The following STXBP4 variants were observed in gnomAD, a reference collection of about 807,000 sequenced individuals.
STXBP4 encodes the protein syntaxin-binding protein 4.
STXBP4 carries 55 observed loss-of-function variants against 76.1 expected under a neutral mutation model. The ratio of observed to expected loss-of-function variants is 0.72; its 90% CI spans 0.58 to 0.91. The LOEUF (loss-of-function observed/expected upper bound fraction) is 0.91, where lower values mean the gene tolerates loss of function less well. Among genes scored for constraint, STXBP4 ranks in the 40% least tolerant of loss-of-function variants. The probability of loss-of-function intolerance (pLI) is 0.00; values close to 1 mark genes in which losing one functional copy is unlikely to be tolerated. For synonymous variants in STXBP4, 201 were observed against 220.2 expected (o/e 0.91, Z 0.77); for missense variants, 618 against 636.9 (o/e 0.97, Z 0.32).
intron 12 of STXBP4, among the ~76,000 whole-genome samples, chr17:55,062,978 T>C (rs2079011854): frequency 6.6e-6 from 1 of 152,230 alleles, no homozygotes; most frequent in Admixed American, 6.5e-5. Context: ...TTGAAGAAAC[T>C]TATTAAACAA....
At chr17:55,108,248 C>T (rs749202216) in intron 16 of STXBP4, among the ~76,000 whole-genome samples, 6 of 152,126 alleles carry the variant, frequency 3.9e-5, no homozygotes, top group Non-Finnish European at 8.8e-5. Flanking sequence ...TAATGGTGGA[C>T]GCCCCTCCCC....
At chr17:55,071,655 A>G (rs1487709236) in intron 12 of STXBP4, among the ~76,000 whole-genome samples, 2 of 152,182 alleles carry the variant, frequency 1.3e-5, no homozygotes. Flanking sequence ...GTCTACCCCC[A>G]GTACCTGAAA....
intron 7 of STXBP4, 117 bp from the exon 8 acceptor site, chr17:55,007,389 T>A (rs1013570268): frequency 5.3e-6 from 4 of 751,244 alleles, no homozygotes; most frequent in Non-Finnish European, 9.1e-6. Flanking sequence ...AACTAAAAGC[T>A]GCTAACTGAT....
intron 10 of STXBP4, among the ~76,000 whole-genome samples, chr17:55,039,508 T>C (rs1179808458): frequency 6.6e-6 from 1 of 152,124 alleles, no homozygotes; most frequent in Non-Finnish European, 1.5e-5. Flanking sequence ...GAATCATATG[T>C]GTTGGTTATC....
intron 16 of STXBP4, among the ~76,000 whole-genome samples, chr17:55,119,079 A>G (rs1308397536): frequency 1.3e-5 from 2 of 151,858 alleles, no homozygotes; most frequent in Admixed American, 6.6e-5. Flanking sequence ...TACATTAGGT[A>G]TATCTCCTAA....
chr17:55,072,240 T>A (rs1008793114), intron 12 of STXBP4, among the ~76,000 whole-genome samples: 1 of 152,162 alleles, frequency 6.6e-6, no homozygotes, highest in Non-Finnish European at 1.5e-5. Context: ...GTATGAAATG[T>A]TTTTTAGTAA....
rs765964616 is a variant in STXBP4, at chr17:55,007,649, A to G, written c.666+52A>G. 3.6e-6 allele frequency: 5 copies of G among 1,401,164 alleles called. No homozygotes were observed. The Admixed American group carries it at 7.8e-5, about 22-fold the overall frequency. The allele number at this position is 1,401,164 out of a possible 1,614,324, so 86.8% of individuals were successfully genotyped here. ...TTCCATAAGACAAAAACAGGAAAGA[A>G]GTATTCTCCTTCTTTGAGAGGATAA... is the stretch of plus-strand genomic sequence containing the variant. On this transcript the variant is annotated intron_variant, in intron 8 of 17. Transcript: ENST00000376352.
chr17:55,092,972 TG>T (rs1213394305), intron 16 of STXBP4, among the ~76,000 whole-genome samples: 5 of 74,990 alleles, frequency 6.7e-5, no homozygotes, highest in Non-Finnish European at 1.5e-4. Context: ...ACATTTTTTT[TG>T]TTTTTTGTTT....
chr17:55,118,942 T>TTATA (rs35478073), intron 16 of STXBP4, among the ~76,000 whole-genome samples: 2,889 of 147,268 alleles, frequency 0.02, 67 homozygotes, highest in African/African-American at 0.054. Flanking sequence ...ATTAACTGAT[T>TTATA]TATATATATA....
At chr17:54,997,540 AAT>A (rs931713608) in intron 4 of STXBP4, among the ~76,000 whole-genome samples, 6 of 146,226 alleles carry the variant, frequency 4.1e-5, no homozygotes, top group East Asian at 2.0e-4. Context: ...ATATAACATA[AAT>A]ATATATAATA....
rs138394610 is a variant in STXBP4, at chr17:55,156,366, A to G, written c.1548-3431A>G. Among the ~76,000 whole-genome samples the G allele has an allele frequency of 4.7e-4, 72 of 152,330 alleles. 1 individual carries two copies. Among genetic ancestry groups the G allele is most frequent in the Admixed American group, 2.0e-3 (31 of 15,284 alleles). On this transcript the variant is annotated intron_variant, in intron 17 of 17. Coordinates refer to ENST00000376352, the MANE Select transcript of STXBP4 (RefSeq NM_178509.6). The stretch of plus-strand genomic sequence containing the variant: ...CCAGTAAATCTGGGATTATCTCATC[A>G]TACCGATTATGTCAAAGCTCTTTAG...
intron 1 of STXBP4, among the ~76,000 whole-genome samples, chr17:54,969,528 T>C (rs1192110923): frequency 6.6e-6 from 1 of 152,236 alleles, no homozygotes; most frequent in Non-Finnish European, 1.5e-5. Flanking sequence ...CTCTAAGACC[T>C]GGTGTCCTTA....
Position 55,161,467 on chromosome 17 carries a change from CAA to C in STXBP4, c.*1558_*1559del, listed in dbSNP as rs2080336735. 1 of 152,198 alleles carries C rather than the reference CAA, an allele frequency of 6.6e-6. No homozygotes were observed. The highest frequency in any genetic ancestry group is 1.5e-5 in the Non-Finnish European group (1 of 68,026). 9.4% of individuals were successfully genotyped at this position (152,198 alleles called of 1,614,324 possible). ...GTTAGTGTCTATAATTGTGAAAGTA[CAA>C]ACTTCTTGTTTTTGTCAAATTAATG... On this transcript the variant is annotated 3_prime_UTR_variant, in exon 18 of 18. Coordinates refer to ENST00000376352, the MANE Select transcript of STXBP4 (RefSeq NM_178509.6).
chr17:55,195,312 C>T, the STXBP4 span, among the ~76,000 whole-genome samples: 1 of 152,294 alleles, frequency 6.6e-6, no homozygotes, highest in Admixed American at 6.5e-5. Context: ...AGTTCAAAAC[C>T]CTCTACCTCC....
At chr17:55,092,615 C>T (rs2079429850) in intron 16 of STXBP4, among the ~76,000 whole-genome samples, 1 of 152,190 alleles carries the variant, frequency 6.6e-6, no homozygotes, top group Non-Finnish European at 1.5e-5. Flanking sequence ...GTGCAAGTCT[C>T]CTGCATCACT....
the STXBP4 span, among the ~76,000 whole-genome samples, chr17:55,186,390 A>G: frequency 1.3e-5 from 2 of 152,250 alleles, no homozygotes; most frequent in East Asian, 1.9e-4. Flanking sequence ...TAATAGCCTC[A>G]TTATATATTA....
chr17:55,064,601 C>G (rs2079027515), intron 12 of STXBP4, among the ~76,000 whole-genome samples: 1 of 152,152 alleles, frequency 6.6e-6, no homozygotes, highest in African/African-American at 2.4e-5. Context: ...TCAAGCGATT[C>G]TACTGCCTCC....
Position 55,169,261 on chromosome 17 carries a change from TCCC to T in STXBP4, c.*9351_*9353del. 1 of 151,050 alleles carries T rather than the reference TCCC, an allele frequency of 6.6e-6. No homozygotes were observed. The highest frequency in any genetic ancestry group is 2.1e-4 in the South Asian group (1 of 4,792). The allele number at this position is 151,050 out of a possible 1,614,324, so 9.4% of individuals were successfully genotyped here. On this transcript the variant is annotated 3_prime_UTR_variant, in exon 18 of 18. Transcript: ENST00000376352. The stretch of plus-strand genomic sequence containing the variant: ...TATTCTGGAGATGACTTTGGTTCAC[TCCC>T]ACGGGAGAGCCCTAGAGACAAAAAG...
In STXBP4 at chr17:55,047,178, A is replaced by G. The variant is rs750969347; in HGVS notation, c.1011+24A>G. 58 of 1,387,908 alleles carry G rather than the reference A, an allele frequency of 4.2e-5. 1 individual carries two copies. The South Asian group carries it at 5.6e-4, about 13-fold the overall frequency. 86.0% of individuals were successfully genotyped at this position (1,387,908 alleles called of 1,614,324 possible). ...AAGTAAGTATATGTATTGTGTATAT[A>G]TGTGCTCGTGTGTGTGTGTGTGTGT... On this transcript the variant is annotated intron_variant, in intron 12 of 17. Coordinates refer to ENST00000376352, the MANE Select transcript of STXBP4 (RefSeq NM_178509.6).
Sources: allele counts gnomAD v4.1 joint callset (sites outside exome capture counted in the v4.1 genomes callset), GRCh38; gene constraint gnomAD v4.1.1; transcripts MANE v1.5; gene names NCBI Gene and HGNC (gene_info 2026-07-23, HGNC 2026-07-21).